BMPR1B: variants seen among roughly 807,000 people sequenced by gnomAD.
BMPR1B encodes the protein bone morphogenetic protein receptor type-1B.
Under a neutral mutation model 59.1 loss-of-function variants are expected in BMPR1B, and 12 were observed. That is an observed-to-expected ratio of 0.20 (90% CI 0.13 to 0.33). The LOEUF (loss-of-function observed/expected upper bound fraction) is 0.33, where lower values mean the gene tolerates loss of function less well. Ranked by LOEUF, BMPR1B falls within the 10% of genes least tolerant of loss-of-function variation. BMPR1B has a pLI of 1.00. For synonymous variants in BMPR1B, 237 were observed against 207.3 expected (o/e 1.14, Z -1.23); for missense variants, 550 against 610.9 (o/e 0.90, Z 1.05).
chr4:94,764,423 T>C (rs1368947967), intron 1 of BMPR1B, among the ~76,000 whole-genome samples: 1 of 152,230 alleles, frequency 6.6e-6, no homozygotes, highest in Non-Finnish European at 1.5e-5. Flanking sequence ...TCTGGTAATC[T>C]CGAATAACTT....
At chr4:95,016,310 C>T (rs760507474) in intron 3 of BMPR1B, among the ~76,000 whole-genome samples, 3 of 151,966 alleles carry the variant, frequency 2.0e-5, no homozygotes, top group Non-Finnish European at 2.9e-5. Flanking sequence ...GAAAGTTCTG[C>T]GTAACTCAGT....
At chr4:94,900,163 A>G (rs549967473) in intron 2 of BMPR1B, among the ~76,000 whole-genome samples, 36 of 151,902 alleles carry the variant, frequency 2.4e-4, no homozygotes, top group African/African-American at 8.7e-4. Context: ...CAGTCATAAC[A>G]TTCCATGCTG....
Position 94,764,931 on chromosome 4 carries a change from A to G in BMPR1B, c.-183+6863A>G, listed in dbSNP as rs967792386. Among the ~76,000 whole-genome samples, 8 of 152,260 alleles carry G rather than the reference A, an allele frequency of 5.3e-5. No homozygotes were observed. The East Asian group carries it at 1.4e-3, about 26-fold the overall frequency. ...GGGGGCAGGAAATAAACAACTATACATAATAGTTACAATTTAGGTTTGTGA... is the reference window on the plus strand; with the variant it reads ...GGGGGCAGGAAATAAACAACTATACGTAATAGTTACAATTTAGGTTTGTGA... On this transcript the variant is annotated intron_variant, in intron 1 of 12. Coordinates refer to ENST00000515059, the MANE Select transcript of BMPR1B (RefSeq NM_001203.3).
intron 1 of BMPR1B, among the ~76,000 whole-genome samples, chr4:94,856,688 G>A (rs1560517824): frequency 6.6e-6 from 1 of 152,134 alleles, no homozygotes; most frequent in Non-Finnish European, 1.5e-5. Flanking sequence ...AATCAGCTAA[G>A]GGCATAATGG....
intron 1 of BMPR1B, among the ~76,000 whole-genome samples, chr4:94,790,572 A>G (rs753469488): frequency 2.6e-5 from 4 of 152,166 alleles, no homozygotes; most frequent in Admixed American, 1.3e-4. Context: ...AGAGGAGTTC[A>G]TAAAGTAGAT....
intron 2 of BMPR1B, among the ~76,000 whole-genome samples, chr4:94,932,956 A>G (rs147535004): frequency 3.1e-4 from 47 of 152,198 alleles, no homozygotes; most frequent in Non-Finnish European, 6.6e-4. Context: ...TAGTAGCTAC[A>G]ATAGCTTCAT....
intron 1 of BMPR1B, among the ~76,000 whole-genome samples, chr4:94,814,963 G>A (rs2110644439): frequency 6.6e-6 from 1 of 152,016 alleles, no homozygotes; most frequent in African/African-American, 2.4e-5. Flanking sequence ...GAGTGCAATG[G>A]CGCCATCTTG....
chr4:94,882,816 T>C (rs1194965402), intron 2 of BMPR1B, among the ~76,000 whole-genome samples: 1 of 152,202 alleles, frequency 6.6e-6, no homozygotes, highest in Non-Finnish European at 1.5e-5. Context: ...TGGTTTCAAA[T>C]GTGGGAATTC....
intron 1 of BMPR1B, among the ~76,000 whole-genome samples, chr4:94,804,095 G>A (rs1723514862): frequency 6.6e-6 from 1 of 152,056 alleles, no homozygotes; most frequent in African/African-American, 2.4e-5. Flanking sequence ...AGCCAGGATG[G>A]TCTCAATCTC....
Position 95,156,834 on chromosome 4 carries a change from T to G in BMPR1B, c.*2161T>G, listed in dbSNP as rs1735461365. 6.6e-6 allele frequency: 1 copy of G among 152,198 alleles called. No homozygotes were observed. The highest frequency in any genetic ancestry group is 1.5e-5 in the Non-Finnish European group (1 of 68,010). 9.4% of individuals were successfully genotyped at this position (152,198 alleles called of 1,614,324 possible). On this transcript the variant is annotated 3_prime_UTR_variant, in exon 13 of 13. Transcript: ENST00000515059. Reference sequence around the variant, plus strand: ...GAAGGAATATATGGTTAGAACTAAGTGTGACTAATCATCTGAGCCTTGAAG... The same window carrying G: ...GAAGGAATATATGGTTAGAACTAAGGGTGACTAATCATCTGAGCCTTGAAG...
intron 1 of BMPR1B, among the ~76,000 whole-genome samples, chr4:94,819,310 C>G (rs1359239080): frequency 6.6e-6 from 1 of 152,162 alleles, no homozygotes; most frequent in African/African-American, 2.4e-5. Context: ...CTTACCGCTA[C>G]AACTTCTCTT....
intron 3 of BMPR1B, among the ~76,000 whole-genome samples, chr4:95,076,805 A>G (rs1728745239): frequency 6.6e-6 from 1 of 152,112 alleles, no homozygotes; most frequent in Admixed American, 6.6e-5. Flanking sequence ...CACAATCAGA[A>G]TTATAAGCAA....
Position 95,076,513 on chromosome 4 carries a change from T to C in BMPR1B, c.-17-27895T>C, listed in dbSNP as rs61007237. On this transcript the variant is annotated intron_variant, in intron 3 of 12. Coordinates refer to ENST00000515059, the MANE Select transcript of BMPR1B (RefSeq NM_001203.3). ...GTAGTATATAAATTGCTCACACTTA[T>C]ATGAGGCAAACTGTTCTAGGTACTA... 7.2e-3 allele frequency among the ~76,000 whole-genome samples: 1,101 copies of C among 152,224 alleles called. 17 individuals are homozygous for C. In the East Asian group the frequency reaches 0.082, roughly 11 times the overall value.
At chr4:94,796,599 A>G (rs1723204455) in intron 1 of BMPR1B, among the ~76,000 whole-genome samples, 1 of 152,126 alleles carries the variant, frequency 6.6e-6, no homozygotes, top group South Asian at 2.1e-4. Flanking sequence ...AATAAGAGAA[A>G]TTATTTAAGT....
At chr4:94,957,923 A>G (rs1730216435) in intron 2 of BMPR1B, among the ~76,000 whole-genome samples, 1 of 152,190 alleles carries the variant, frequency 6.6e-6, no homozygotes, top group Non-Finnish European at 1.5e-5. Context: ...TGGAATCAAG[A>G]TCAACATGTG....
intron 1 of BMPR1B, among the ~76,000 whole-genome samples, chr4:94,775,515 G>A (rs147294964): frequency 1.2e-3 from 176 of 152,016 alleles, no homozygotes; most frequent in African/African-American, 4.0e-3. Context: ...TCAAATGCTT[G>A]CTTCTAAAAA....
chr4:95,132,517 C>CT (rs1312643489), intron 10 of BMPR1B, among the ~76,000 whole-genome samples: 9 of 152,070 alleles, frequency 5.9e-5, no homozygotes, highest in African/African-American at 2.2e-4. Context: ...AGTTCTTGAT[C>CT]TTTAAAAACA....
At chr4:95,134,270 C>A (rs1733604328) in intron 10 of BMPR1B, among the ~76,000 whole-genome samples, 1 of 152,162 alleles carries the variant, frequency 6.6e-6, no homozygotes, top group Admixed American at 6.5e-5. Context: ...TCCAGTCTAT[C>A]ATCGATGTAC....
intron 3 of BMPR1B, among the ~76,000 whole-genome samples, chr4:95,097,878 T>C (rs1401313433): frequency 6.6e-6 from 1 of 152,196 alleles, no homozygotes; most frequent in Non-Finnish European, 1.5e-5. Context: ...TTTTACTCTA[T>C]TGATTTAGTA....
Sources: allele counts gnomAD v4.1 joint callset (sites outside exome capture counted in the v4.1 genomes callset), GRCh38; gene constraint gnomAD v4.1.1; transcripts MANE v1.5; gene names NCBI Gene and HGNC (gene_info 2026-07-23, HGNC 2026-07-21).